Variants in PATJ observed in about 807,000 individuals in gnomAD.
PATJ encodes PATJ crumbs cell polarity complex component, also known as inaD-like protein.
Under a neutral mutation model 224.9 loss-of-function variants are expected in PATJ, and 190 were observed. The observed-to-expected ratio is 0.84, with a 90% CI of 0.75 to 0.95. PATJ has a LOEUF of 0.95. Among genes scored for constraint, PATJ ranks in the 40% least tolerant of loss-of-function variants. The probability of loss-of-function intolerance (pLI) is 0.00; values close to 1 mark genes in which losing one functional copy is unlikely to be tolerated. For missense variants in PATJ, 2,121 were observed against 2,270.3 expected (o/e 0.93, Z 1.34); for synonymous variants, 769 against 820.3 (o/e 0.94, Z 1.07).
chr1:61,742,717 G>T (rs1264002607), intron 1 of PATJ, among the ~76,000 whole-genome samples, 162 bp downstream of exon 1: 20 of 151,424 alleles, frequency 1.3e-4, no homozygotes, highest in Non-Finnish European at 2.8e-4. Flanking sequence ...GCCGGAGGTG[G>T]AGGGCGCCGC....
chr1:61,996,017 G>C (rs920460155), intron 28 of PATJ, among the ~76,000 whole-genome samples: 5 of 152,202 alleles, frequency 3.3e-5, no homozygotes, highest in Non-Finnish European at 7.3e-5. Context: ...GTATTGAGCT[G>C]TGTTTTGTCT....
At chr1:62,048,629 T>A (rs899978684) in intron 30 of PATJ, among the ~76,000 whole-genome samples, 6 of 151,330 alleles carry the variant, frequency 4.0e-5, no homozygotes, top group African/African-American at 1.5e-4. Context: ...AAAAGTTAAC[T>A]GTACCTGGTG....
At chr1:61,936,454 CG>C (rs1676892952) in intron 27 of PATJ, among the ~76,000 whole-genome samples, 1 of 144,494 alleles carries the variant, frequency 6.9e-6, no homozygotes, top group Non-Finnish European at 1.5e-5. Flanking sequence ...AAAAAAAAGC[CG>C]GAAAGGAAGA....
At chr1:61,860,378 C>T (rs1664350635) in intron 18 of PATJ, among the ~76,000 whole-genome samples, 1 of 151,806 alleles carries the variant, frequency 6.6e-6, no homozygotes, top group African/African-American at 2.4e-5. Context: ...ACTTTAAAAA[C>T]TGCATTATAT....
At chr1:62,070,279 C>A (rs554147117) in intron 31 of PATJ, among the ~76,000 whole-genome samples, 11 of 152,140 alleles carry the variant, frequency 7.2e-5, no homozygotes, top group Admixed American at 5.9e-4. Flanking sequence ...TTCCCATGAG[C>A]CTTATTGACC....
chr1:61,913,785 G>A (rs1324064423), intron 25 of PATJ, among the ~76,000 whole-genome samples: 1 of 152,178 alleles, frequency 6.6e-6, no homozygotes, highest in East Asian at 1.9e-4. Flanking sequence ...TACACACAGT[G>A]TGGGAGATAA....
chr1:61,929,982 A>G (rs1480534657), intron 27 of PATJ, among the ~76,000 whole-genome samples: 1 of 152,224 alleles, frequency 6.6e-6, no homozygotes, highest in East Asian at 1.9e-4. Context: ...ACAGGCACAT[A>G]TACACGGCAG....
rs182612162 is a variant in PATJ, at chr1:61,744,828, C to T, written c.-36+2273C>T. Among the ~76,000 whole-genome samples the T allele has an allele frequency of 1.3e-4, 20 of 152,276 alleles. 1 individual carries two copies. In the East Asian group the frequency reaches 3.9e-3, roughly 29 times the overall value. On this transcript the variant is annotated intron_variant, in intron 1 of 43. Coordinates refer to ENST00000642238, the MANE Select transcript of PATJ (RefSeq NM_001350145.3). ...TCACAAGTCCTAGATTGTTTTACCC[C>T]GGCTTCTGACTAACCACCTATAAAT...
intron 7 of PATJ, among the ~76,000 whole-genome samples, chr1:61,780,013 T>A (rs1405025338): frequency 6.6e-6 from 1 of 152,166 alleles, no homozygotes; most frequent in Non-Finnish European, 1.5e-5. Flanking sequence ...AAGCCATTCA[T>A]GAGGGATTCA....
intron 15 of PATJ, among the ~76,000 whole-genome samples, chr1:61,823,443 C>T (rs536128640): frequency 3.3e-4 from 51 of 152,302 alleles, no homozygotes; most frequent in African/African-American, 1.1e-3. Flanking sequence ...GCTGAATGAC[C>T]TCAGGCATAC....
chr1:61,913,723 G>A (rs1189600264), intron 25 of PATJ, among the ~76,000 whole-genome samples: 1 of 152,194 alleles, frequency 6.6e-6, no homozygotes, highest in Non-Finnish European at 1.5e-5. Flanking sequence ...TCAGTGGTGG[G>A]AATAGATTTG....
At chr1:61,804,645 A>G (rs1233304536) in intron 12 of PATJ, among the ~76,000 whole-genome samples, 1 of 152,194 alleles carries the variant, frequency 6.6e-6, no homozygotes, top group Non-Finnish European at 1.5e-5. Flanking sequence ...CTATGGGTAT[A>G]AGGTATAACT....
chr1:61,991,657 A>T (rs557873353), intron 28 of PATJ: 2 of 985,284 alleles, frequency 2.0e-6, no homozygotes, highest in Admixed American at 6.1e-5. Flanking sequence ...TTCCAGGATT[A>T]CTTTTCTTTT....
At chr1:62,129,276 G>C (rs1666037542) in intron 41 of PATJ, among the ~76,000 whole-genome samples, 1 of 152,124 alleles carries the variant, frequency 6.6e-6, no homozygotes, top group Non-Finnish European at 1.5e-5. Context: ...TATGCCCAAA[G>C]ACTGTTACTG....
Position 61,835,897 on chromosome 1 carries a change from T to C in PATJ, c.2112+2112T>C, listed in dbSNP as rs566525693. 2.6e-5 allele frequency among the ~76,000 whole-genome samples: 4 copies of C among 152,352 alleles called. No homozygotes were observed. In the East Asian group the frequency reaches 5.8e-4, roughly 22 times the overall value. On this transcript the variant is annotated intron_variant, in intron 17 of 43. Coordinates refer to ENST00000642238, the MANE Select transcript of PATJ (RefSeq NM_001350145.3). ...TACCTTTCAGATGTGGTCTTAGATA[T>C]TCAGGTACATTTGCATTTCTATTAT...
chr1:61,846,425 AC>A (rs1195534750), intron 17 of PATJ, among the ~76,000 whole-genome samples: 4 of 152,234 alleles, frequency 2.6e-5, no homozygotes, highest in Non-Finnish European at 5.9e-5. Flanking sequence ...GCATCATAAT[AC>A]AGTTTCAACT....
intron 27 of PATJ, among the ~76,000 whole-genome samples, chr1:61,937,650 CTTTTTTT>C (rs370155855): frequency 7.5e-6 from 1 of 133,036 alleles, no homozygotes; most frequent in Non-Finnish European, 1.6e-5. Context: ...CTTTCTTCTT[CTTTTTTT>C]TTTTTTTTTT....
chr1:62,098,685 A>G (rs1661714949), intron 33 of PATJ, among the ~76,000 whole-genome samples: 1 of 152,054 alleles, frequency 6.6e-6, no homozygotes, highest in Admixed American at 6.5e-5. Flanking sequence ...GGTTACCTGC[A>G]GAGCTGTCAG....
intron 32 of PATJ, among the ~76,000 whole-genome samples, chr1:62,083,285 C>G (rs912366814): frequency 6.6e-6 from 1 of 152,146 alleles, no homozygotes; most frequent in Non-Finnish European, 1.5e-5. Flanking sequence ...CCACGCCCAG[C>G]TATTTTTTAT....
Sources: gnomAD v4.1 joint callset for allele counts (sites outside exome capture counted in the v4.1 genomes callset) on GRCh38, gnomAD v4.1.1 for gene constraint, MANE v1.5 for transcripts, NCBI Gene and HGNC (gene_info 2026-07-23, HGNC 2026-07-21) for gene names.